Variants in FBLN5 observed in about 807,000 individuals in gnomAD.
FBLN5 encodes fibulin-5.
In FBLN5, 24 loss-of-function variants were observed where a neutral mutation model predicts 61.6. The ratio of observed to expected loss-of-function variants is 0.39; its 90% CI spans 0.28 to 0.55. The LOEUF (loss-of-function observed/expected upper bound fraction) is 0.55, where lower values mean the gene tolerates loss of function less well. Ranked by LOEUF, FBLN5 falls within the 20% of genes least tolerant of loss-of-function variation. The pLI, the probability that FBLN5 is intolerant of heterozygous loss-of-function variation, is 0.65. For missense variants in FBLN5, 470 were observed against 594.1 expected, an observed-to-expected ratio of 0.79 and a Z score of 2.17; for synonymous variants, 213 against 219.8, an observed-to-expected ratio of 0.97 and a Z score of 0.27.
At chr14:91,940,891 G>A (rs551116686) in intron 2 of FBLN5, among the ~76,000 whole-genome samples, 2 of 152,140 alleles carry the variant, frequency 1.3e-5, no homozygotes, top group South Asian at 4.2e-4. Flanking sequence ...GATTTCTTGA[G>A]CCCAGGATTT....
chr14:91,883,692 C>CA (rs1566802706), intron 7 of FBLN5, among the ~76,000 whole-genome samples: 1 of 77,838 alleles, frequency 1.3e-5, no homozygotes, highest in Non-Finnish European at 3.0e-5. Context: ...CAAAAACAAA[C>CA]AAAAAAACTG....
chr14:91,918,321 AC>A (rs1566819513), intron 4 of FBLN5, among the ~76,000 whole-genome samples: 1 of 152,134 alleles, frequency 6.6e-6, no homozygotes, highest in Non-Finnish European at 1.5e-5. Flanking sequence ...TGTGGGAAGG[AC>A]CCCAGCTCTG....
chr14:91,930,817 C>T (rs1259098162), intron 4 of FBLN5, among the ~76,000 whole-genome samples: 3 of 152,106 alleles, frequency 2.0e-5, no homozygotes, highest in African/African-American at 4.8e-5. Flanking sequence ...AAGCAGATTC[C>T]GAGTGAAGCC....
chr14:91,926,964 G>A (rs1047533946), intron 4 of FBLN5, among the ~76,000 whole-genome samples: 1 of 152,176 alleles, frequency 6.6e-6, no homozygotes, highest in African/African-American at 2.4e-5. Context: ...TGCAGTGATA[G>A]GATTCGAACC....
rs199682953 is a variant in FBLN5, at chr14:91,870,265, C to T, written c.1306G>A (p.Val436Met). The change falls in exon 11 of 11, where the codon GTG becomes ATG. Residue 436 changes from valine to methionine, a missense_variant. Transcript: ENST00000342058. Reference sequence around the variant, plus strand: ...GACACATATATCCGCAGTCGGATCACGGAGCTGCCTCTGAAGTTGATGACA... The same window carrying T: ...GACACATATATCCGCAGTCGGATCATGGAGCTGCCTCTGAAGTTGATGACA... Reference protein sequence around the residue: ...NTVINFRGSSVIRLRIYVSQY... With the variant: ...NTVINFRGSSMIRLRIYVSQY... 12 of 1,614,240 alleles carry T rather than the reference C, an allele frequency of 7.4e-6. No individual in the cohort carries two copies. The highest frequency in any genetic ancestry group is 2.2e-5 in the South Asian group (2 of 91,086).
chr14:91,897,358 T>C (rs1462041850), intron 4 of FBLN5, among the ~76,000 whole-genome samples: 1 of 152,116 alleles, frequency 6.6e-6, no homozygotes, highest in Non-Finnish European at 1.5e-5. Context: ...TCTATGACAA[T>C]AAATAGTGCC....
rs750732580 is a variant in FBLN5 at position 91,947,276 on chromosome 14, C to A, written c.-47G>T. The A allele has an allele frequency of 6.0e-5, 97 of 1,613,686 alleles. No homozygotes were observed. The Middle Eastern group carries it at 6.6e-4, about 11-fold the overall frequency. ...GATGCGAAGGCGAGAAGAAAGCTCG[C>A]GGGCGGGACCCCCGGAGGAGCTCGG... On this transcript the variant is annotated 5_prime_UTR_variant, in exon 1 of 11. Coordinates refer to ENST00000342058, the MANE Select transcript of FBLN5 (RefSeq NM_006329.4). This position sits in a 1 kb window ranked among gnomAD's most constrained non-coding sequence, Gnocchi z 4.3.
chr14:91,947,308 C>T lies in FBLN5; in HGVS notation c.-79G>A, dbSNP rs1327002910. The T allele has an allele frequency of 1.9e-6, 3 of 1,564,932 alleles. No individual in the cohort carries two copies. The highest frequency in any genetic ancestry group is 2.2e-5 in the East Asian group (1 of 44,618). On this transcript the variant is annotated 5_prime_UTR_variant, in exon 1 of 11. Transcript: ENST00000342058. The surrounding 1 kb of genome is among the most constrained non-coding windows in gnomAD (Gnocchi z 4.3). ...GACCCCCGGAGGAGCTCGGGCACGT[C>T]GGCCTCCTCTGGGCCCTCGGGGCTC...
At chr14:91,876,628 G>A (rs1432746595) in intron 10 of FBLN5, among the ~76,000 whole-genome samples, 1 of 152,166 alleles carries the variant, frequency 6.6e-6, no homozygotes, top group African/African-American at 2.4e-5. Flanking sequence ...CACAGAGGCA[G>A]ATATTGGAGT....
Position 91,894,979 on chromosome 14 carries a change from C to A in FBLN5, c.473G>T (p.Gly158Val). The stretch of plus-strand genomic sequence containing the variant: ...GCACTGGCCTTCCAGAAGCCAATAT[C>A]CGTCGGTGCAGGAGCAGGTGTACCC... The part of the protein sequence containing the change: ...EGGYTCSCTD[G>V]YWLLEGQCLD... The change falls in exon 5 of 11, where the codon GGA becomes GTA. Residue 158 changes from glycine to valine, a missense_variant. Gly to Val is a moderately radical substitution (Grantham distance 109). Transcript: ENST00000342058. 6.2e-7 allele frequency: 1 copy of A among 1,614,152 alleles called. No individual in the cohort carries two copies. Among genetic ancestry groups the A allele is most frequent in the Non-Finnish European group, 8.5e-7 (1 of 1,180,008 alleles).
At chr14:91,896,732 C>A (rs77409589) in intron 4 of FBLN5, among the ~76,000 whole-genome samples, 1,824 of 152,216 alleles carry the variant, frequency 0.012, 48 homozygotes, top group African/African-American at 0.042. Context: ...GGGGAGCTGG[C>A]AGACTGGGCT....
rs1380679174 is a variant in FBLN5 at position 91,922,843 on chromosome 14, G to T, written c.379+14104C>A. Among the ~76,000 whole-genome samples, 3 of 152,144 alleles carry T rather than the reference G, an allele frequency of 2.0e-5. No individual in the cohort carries two copies. The East Asian group carries it at 5.8e-4, about 29-fold the overall frequency. On this transcript the variant is annotated intron_variant, in intron 4 of 10. Coordinates refer to ENST00000342058, the MANE Select transcript of FBLN5 (RefSeq NM_006329.4). ...AGGCCAGGCCCTATCATCACAGTGA[G>T]AGCCAATTTCATCCATCCACTGATG...
intron 1 of FBLN5, chr14:91,946,560 C>A (rs1349418605): frequency 3.0e-6 from 2 of 667,166 alleles, no homozygotes; most frequent in African/African-American, 3.6e-5. Flanking sequence ...CACATACATA[C>A]GCACACAAGG....
intron 4 of FBLN5, among the ~76,000 whole-genome samples, chr14:91,909,707 T>C (rs1313118270): frequency 1.3e-5 from 2 of 152,180 alleles, no homozygotes; most frequent in Admixed American, 6.5e-5. Flanking sequence ...GCCCACCAGA[T>C]GCTGGCACCA....
At chr14:91,911,007 A>G (rs1207191517) in intron 4 of FBLN5, among the ~76,000 whole-genome samples, 2 of 150,802 alleles carry the variant, frequency 1.3e-5, no homozygotes, top group Non-Finnish European at 3.0e-5. Flanking sequence ...TTTTTAATAC[A>G]GAGTCTCACT....
chr14:91,898,383 G>A (rs1890312172), intron 4 of FBLN5, among the ~76,000 whole-genome samples: 1 of 152,040 alleles, frequency 6.6e-6, no homozygotes, highest in East Asian at 1.9e-4. Context: ...GCCCATTTGG[G>A]TGTGTGTACT....
In FBLN5 at chr14:91,924,093, C is replaced by T. The variant is rs145278304; in HGVS notation, c.379+12854G>A. Among the ~76,000 whole-genome samples the T allele has an allele frequency of 8.4e-3, 1,282 of 152,272 alleles. 5 individuals carry two copies. Among genetic ancestry groups the T allele is most frequent in the Non-Finnish European group, 0.011 (772 of 68,034 alleles). ...TATGCCTAGTGTTCCATTATTGGAA[C>T]GCTAAGCATGTGGGAGTTATTTATA... On this transcript the variant is annotated intron_variant, in intron 4 of 10. Transcript: ENST00000342058.
chr14:91,941,987 C>T (rs565369996), intron 2 of FBLN5: 10 of 356,730 alleles, frequency 2.8e-5, no homozygotes, highest in Non-Finnish European at 5.0e-5. Flanking sequence ...TGCCAGTGGC[C>T]TGAATATGCT....
intron 1 of FBLN5, among the ~76,000 whole-genome samples, chr14:91,946,365 T>C (rs544767869): frequency 6.6e-6 from 1 of 151,324 alleles, no homozygotes; most frequent in African/African-American, 2.4e-5. Context: ...TCATAACCGG[T>C]CCTGGGAACT....
Sources: gnomAD v4.1 joint callset for allele counts (sites outside exome capture counted in the v4.1 genomes callset) on GRCh38, gnomAD v4.1.1 for gene constraint, Gnocchi (gnomAD v3.1) non-coding constraint, MANE v1.5 for transcripts, NCBI Gene and HGNC (gene_info 2026-07-23, HGNC 2026-07-21) for gene names.